PRKCB: variants seen among roughly 807,000 people sequenced by gnomAD.
The protein encoded by PRKCB is protein kinase C beta type.
Under a neutral mutation model 81.5 loss-of-function variants are expected in PRKCB, and 13 were observed. That is an observed-to-expected ratio of 0.16 (90% CI 0.10 to 0.25). PRKCB has a LOEUF of 0.25. Ranked by LOEUF, PRKCB falls within the 10% of genes least tolerant of loss-of-function variation. PRKCB has a pLI of 1.00. For synonymous variants in PRKCB, 335 were observed against 321.4 expected, an observed-to-expected ratio of 1.04 and a Z score of -0.45; for missense variants, 509 against 875.7, an observed-to-expected ratio of 0.58 and a Z score of 5.29.
At chr16:23,993,344 G>A (rs1001720041) in intron 3 of PRKCB, among the ~76,000 whole-genome samples, 1 of 152,124 alleles carries the variant, frequency 6.6e-6, no homozygotes, top group African/African-American at 2.4e-5. Flanking sequence ...GTTAGGAAGG[G>A]CTCTAACAGT....
intron 9 of PRKCB, among the ~76,000 whole-genome samples, chr16:24,152,395 A>C (rs1967093778): frequency 6.6e-6 from 1 of 152,184 alleles, no homozygotes; most frequent in Non-Finnish European, 1.5e-5. Context: ...GCTACAATTC[A>C]AGACGAGATT....
intron 2 of PRKCB, among the ~76,000 whole-genome samples, chr16:23,955,630 G>T (rs1360288499): frequency 3.9e-5 from 6 of 152,170 alleles, no homozygotes; most frequent in African/African-American, 1.4e-4. Flanking sequence ...AGAAGGTGCA[G>T]GTCCGCCTAT....
chr16:24,055,213 A>G (rs74013109), intron 5 of PRKCB, among the ~76,000 whole-genome samples: 4,127 of 152,260 alleles, frequency 0.027, 181 homozygotes, highest in African/African-American at 0.094. Context: ...CCACCCACCA[A>G]AGGCCTCTTA....
chr16:24,150,688 T>C (rs1361575327), intron 9 of PRKCB, among the ~76,000 whole-genome samples: 1 of 152,228 alleles, frequency 6.6e-6, no homozygotes, highest in Non-Finnish European at 1.5e-5. Flanking sequence ...AGCAAACTAT[T>C]GGAGCCCAGG....
chr16:24,162,267 G>A (rs950481360), intron 10 of PRKCB, among the ~76,000 whole-genome samples: 1 of 151,882 alleles, frequency 6.6e-6, no homozygotes, highest in Non-Finnish European at 1.5e-5. Flanking sequence ...CTGGTAACTC[G>A]GGCTCAGCTC....
At chr16:24,090,695 A>C (rs976078598) in intron 5 of PRKCB, among the ~76,000 whole-genome samples, 3 of 152,220 alleles carry the variant, frequency 2.0e-5, no homozygotes, top group African/African-American at 7.2e-5. Flanking sequence ...GATTTATTGC[A>C]GTAGAATAAT....
chr16:23,842,014 C>T (rs540168354), intron 2 of PRKCB, among the ~76,000 whole-genome samples: 1 of 152,028 alleles, frequency 6.6e-6, no homozygotes, highest in Admixed American at 6.6e-5. Context: ...TGCTTTGCTG[C>T]CTGTGCCTGG....
intron 4 of PRKCB, among the ~76,000 whole-genome samples, chr16:24,033,652 C>A (rs1198371831): frequency 6.6e-6 from 1 of 152,100 alleles, no homozygotes; most frequent in East Asian, 1.9e-4. Context: ...ATCCCAGCTA[C>A]TTGGGAGGCT....
chr16:24,142,989 C>T (rs1966925289), intron 9 of PRKCB, among the ~76,000 whole-genome samples: 1 of 152,148 alleles, frequency 6.6e-6, no homozygotes, highest in South Asian at 2.1e-4. Context: ...AGTATATACA[C>T]ATGAGCTGTA....
chr16:23,852,339 C>G (rs188396071), intron 2 of PRKCB, among the ~76,000 whole-genome samples: 1 of 152,164 alleles, frequency 6.6e-6, no homozygotes, highest in Admixed American at 6.5e-5. Context: ...TAATTTTTTT[C>G]AAGTGCTTTT....
At chr16:24,212,930 T>A (rs1000051700) in intron 16 of PRKCB, among the ~76,000 whole-genome samples, 3 of 152,082 alleles carry the variant, frequency 2.0e-5, no homozygotes, top group African/African-American at 7.2e-5. Context: ...GACTTCATCA[T>A]CCCCATCCTT....
intron 1 of PRKCB, 85 bp downstream of exon 1, chr16:23,836,433 TCCGCG>T (rs1962158942): frequency 9.8e-5 from 10 of 102,244 alleles, no homozygotes; most frequent in Non-Finnish European, 1.4e-4. Context: ...CTCTGCGCCC[TCCGCG>T]CCCTCCGCAC....
chr16:24,217,467 C>T lies in PRKCB; in HGVS notation c.*2651C>T. Reference sequence around the variant, plus strand: ...ATTAATAACCCTCCTTGGATGAGTGCTACTGTTTTCACATGGCTTCAGATG... The same window carrying T: ...ATTAATAACCCTCCTTGGATGAGTGTTACTGTTTTCACATGGCTTCAGATG... On this transcript the variant is annotated 3_prime_UTR_variant, in exon 17 of 17. Transcript: ENST00000643927. The T allele has an allele frequency of 2.0e-6, 2 of 985,420 alleles. No individual in the cohort carries two copies. The highest frequency in any genetic ancestry group is 1.2e-6 in the Non-Finnish European group (1 of 829,920). The allele number at this position is 985,420 out of a possible 1,614,324, so 61.0% of individuals were successfully genotyped here. A position where few individuals can be genotyped will look rare whatever the true frequency, so the allele number is the denominator to read the frequency against.
At chr16:24,009,394 T>G (rs973184574) in intron 3 of PRKCB, among the ~76,000 whole-genome samples, 1 of 151,596 alleles carries the variant, frequency 6.6e-6, no homozygotes, top group African/African-American at 2.4e-5. Flanking sequence ...AAAACCACAA[T>G]GAGATATTAT....
chr16:24,119,128 CT>C (rs10711558), intron 8 of PRKCB, among the ~76,000 whole-genome samples: 103,027 of 147,814 alleles, frequency 0.7, 36,557 homozygotes, highest in African/African-American at 0.85. Flanking sequence ...TATCAGACTT[CT>C]TTTTTTTTTT....
At chr16:24,073,122 G>A (rs1181317014) in intron 5 of PRKCB, among the ~76,000 whole-genome samples, 1 of 152,158 alleles carries the variant, frequency 6.6e-6, no homozygotes, top group Non-Finnish European at 1.5e-5. Context: ...ATAATGAAAA[G>A]GTGAATGTCT....
chr16:23,900,718 G>GTTTT lies in PRKCB; in HGVS notation c.205+63341_205+63344dup, dbSNP rs56897816. ...CTCATTCATTTTAACAGCTGCACAGGTTTTTTTTTTTTTTTTTTTTTTTTT... is the reference window on the plus strand; with the variant it reads ...CTCATTCATTTTAACAGCTGCACAGGTTTTTTTTTTTTTTTTTTTTTTTTTTTTT... On this transcript the variant is annotated intron_variant, in intron 2 of 16. Transcript: ENST00000643927. Among the ~76,000 whole-genome samples the GTTTT allele has an allele frequency of 2.2e-3, 137 of 62,264 alleles. 9 individuals are homozygous for GTTTT. The highest frequency in any genetic ancestry group is 4.8e-3 in the African/African-American group (69 of 14,274). 40.8% of individuals were successfully genotyped at this position (62,264 alleles called of 152,430 possible).
intron 10 of PRKCB, among the ~76,000 whole-genome samples, chr16:24,170,586 C>T (rs1482884706): frequency 1.3e-5 from 2 of 152,124 alleles, no homozygotes; most frequent in Non-Finnish European, 1.5e-5. Context: ...AGCAAACACC[C>T]TCTGATGGAA....
rs1024579939 is a variant in PRKCB, at chr16:23,870,680, G to T, written c.205+33274G>T. On this transcript the variant is annotated intron_variant, in intron 2 of 16. Transcript: ENST00000643927. ...ATCAGGACCTACCTGCACGTAGGTTGATCAGGACCCTGGCAGGGCTGTCAG... is the reference window on the plus strand; with the variant it reads ...ATCAGGACCTACCTGCACGTAGGTTTATCAGGACCCTGGCAGGGCTGTCAG... Among the ~76,000 whole-genome samples, 8 of 152,224 alleles carry T rather than the reference G, an allele frequency of 5.3e-5. No individual in the cohort carries two copies. The East Asian group carries it at 1.5e-3, about 29-fold the overall frequency.
Sources: allele counts gnomAD v4.1 joint callset (sites outside exome capture counted in the v4.1 genomes callset), GRCh38; gene constraint gnomAD v4.1.1; transcripts MANE v1.5; gene names NCBI Gene and HGNC (gene_info 2026-07-23, HGNC 2026-07-21).